Variants in MTUS2 observed in about 807,000 individuals in gnomAD.
MTUS2 encodes microtubule-associated tumor suppressor candidate 2.
MTUS2 carries 40 observed loss-of-function variants against 114.1 expected under a neutral mutation model. That is an observed-to-expected ratio of 0.35 (90% CI 0.27 to 0.46). The LOEUF (loss-of-function observed/expected upper bound fraction) is 0.46, where lower values mean the gene tolerates loss of function less well. MTUS2 is among the 20% of genes least tolerant of loss of function. MTUS2 has a pLI of 1.00. For missense variants in MTUS2, 1,679 were observed against 1,705.4 expected, an observed-to-expected ratio of 0.98 and a Z score of 0.27; for synonymous variants, 688 against 672.0, an observed-to-expected ratio of 1.02 and a Z score of -0.37.
chr13:29,066,470 TTTG>T (rs1166061791), intron 4 of MTUS2, among the ~76,000 whole-genome samples: 1 of 152,178 alleles, frequency 6.6e-6, no homozygotes, highest in Non-Finnish European at 1.5e-5. Context: ...AGGGGTGGGT[TTTG>T]TTGTCTCTGT....
chr13:29,381,684 G>A (rs1162081304), intron 8 of MTUS2, among the ~76,000 whole-genome samples: 2 of 152,132 alleles, frequency 1.3e-5, no homozygotes, highest in South Asian at 2.1e-4. Context: ...TCATCATGAC[G>A]TTCTGCTGCC....
chr13:29,316,030 C>T (rs967503420), intron 6 of MTUS2, among the ~76,000 whole-genome samples: 4 of 152,098 alleles, frequency 2.6e-5, no homozygotes, highest in African/African-American at 9.7e-5. Context: ...ATGAGTCATG[C>T]ATTGGGGATT....
At chr13:29,295,026 G>A (rs1309012903) in intron 6 of MTUS2, among the ~76,000 whole-genome samples, 1 of 152,094 alleles carries the variant, frequency 6.6e-6, no homozygotes, top group African/African-American at 2.4e-5. Flanking sequence ...ATGAGGCACA[G>A]GTTTCCCATA....
chr13:29,137,732 T>G (rs970495648), intron 5 of MTUS2, among the ~76,000 whole-genome samples: 2 of 151,764 alleles, frequency 1.3e-5, no homozygotes, highest in Non-Finnish European at 2.9e-5. Flanking sequence ...TTCTCCTGTC[T>G]CAGCCTCCCA....
chr13:29,344,078 G>A (rs1440638405), intron 7 of MTUS2, among the ~76,000 whole-genome samples: 1 of 152,062 alleles, frequency 6.6e-6, no homozygotes, highest in Admixed American at 6.5e-5. Context: ...CTATCATGTG[G>A]TCTATCTTGT....
At chr13:29,392,127 CAA>C (rs67050496) in intron 8 of MTUS2, among the ~76,000 whole-genome samples, 2 of 118,900 alleles carry the variant, frequency 1.7e-5, no homozygotes, top group African/African-American at 6.7e-5. Context: ...GACTCTGTCT[CAA>C]AAAAAAAAAA....
chr13:28,925,635 C>T (rs750949969), intron 2 of MTUS2, among the ~76,000 whole-genome samples: 7 of 152,112 alleles, frequency 4.6e-5, no homozygotes, highest in South Asian at 4.1e-4. Context: ...GAGTTCACTA[C>T]GTGTGTTTGT....
chr13:29,155,257 C>T (rs144309858), intron 5 of MTUS2, among the ~76,000 whole-genome samples: 1,584 of 152,246 alleles, frequency 0.01, 18 homozygotes, highest in Non-Finnish European at 0.016. Flanking sequence ...TTTGTAACAC[C>T]CCAATGGGGG....
intron 8 of MTUS2, among the ~76,000 whole-genome samples, chr13:29,398,244 T>A (rs1376175716): frequency 6.6e-6 from 1 of 152,162 alleles, no homozygotes; most frequent in Non-Finnish European, 1.5e-5. Context: ...GTGGACCACC[T>A]GAGGTCAGGA....
intron 2 of MTUS2, among the ~76,000 whole-genome samples, chr13:28,905,133 A>G (rs1879908613): frequency 6.6e-6 from 1 of 151,630 alleles, no homozygotes; most frequent in African/African-American, 2.4e-5. Context: ...GAAGTTGCCT[A>G]TCAGCTTAAG....
intron 9 of MTUS2, among the ~76,000 whole-genome samples, chr13:29,456,228 G>A (rs924739047): frequency 6.6e-5 from 10 of 152,138 alleles, no homozygotes; most frequent in African/African-American, 2.4e-4. Context: ...ATCATTCACC[G>A]ATGGGCTTTT....
At chr13:28,951,990 T>C (rs144377839) in intron 2 of MTUS2, among the ~76,000 whole-genome samples, 4 of 152,216 alleles carry the variant, frequency 2.6e-5, no homozygotes, top group African/African-American at 9.6e-5. Flanking sequence ...GTGTGCAGCA[T>C]GCCCGCATAA....
chr13:28,939,047 G>A (rs762544040), intron 2 of MTUS2, among the ~76,000 whole-genome samples: 8 of 152,162 alleles, frequency 5.3e-5, no homozygotes, highest in Non-Finnish European at 1.0e-4. Flanking sequence ...ATACTTCAGC[G>A]CTGTAACCAC....
At chr13:29,193,818 G>A (rs1232813300) in intron 5 of MTUS2, among the ~76,000 whole-genome samples, 1 of 152,080 alleles carries the variant, frequency 6.6e-6, no homozygotes, top group Non-Finnish European at 1.5e-5. Flanking sequence ...AAAGCTGGAG[G>A]CATCACACTA....
chr13:29,017,703 G>GA (rs11369162), intron 2 of MTUS2, among the ~76,000 whole-genome samples: 60,301 of 144,906 alleles, frequency 0.42, 12,086 homozygotes, highest in Admixed American at 0.47. Context: ...TTGAAAGATT[G>GA]AAAAAAAAAA....
intron 1 of MTUS2, among the ~76,000 whole-genome samples, chr13:28,824,207 CT>C (rs1483427943): frequency 6.7e-6 from 1 of 150,168 alleles, no homozygotes; most frequent in Non-Finnish European, 1.5e-5. Context: ...TAATAGGCCC[CT>C]GACTTTCATT....
intron 5 of MTUS2, among the ~76,000 whole-genome samples, chr13:29,112,309 A>G (rs989790752): frequency 7.9e-5 from 12 of 152,162 alleles, no homozygotes; most frequent in African/African-American, 2.7e-4. Flanking sequence ...AGTGTCAGAC[A>G]CGACCAGCAT....
At chr13:29,008,901 TG>T (rs1359427885) in intron 2 of MTUS2, among the ~76,000 whole-genome samples, 1 of 152,062 alleles carries the variant, frequency 6.6e-6, no homozygotes, top group Non-Finnish European at 1.5e-5. Context: ...TTTGTTTCCC[TG>T]GTAATTTTCT....
In MTUS2 at chr13:28,839,772, T is replaced by C. The variant is rs1472388898; in HGVS notation, c.-315-6T>C. Reference sequence around the variant, plus strand: ...CTAAATTTTCCTGTATCTTTTTCTTTTTAAGGTTTCCACAGCTGGATTGTT... The same window carrying C: ...CTAAATTTTCCTGTATCTTTTTCTTCTTAAGGTTTCCACAGCTGGATTGTT... On this transcript the variant is annotated splice_region_variant and splice_polypyrimidine_tract_variant and intron_variant, in intron 1 of 15. Coordinates refer to ENST00000612955, the MANE Select transcript of MTUS2 (RefSeq NM_001033602.4). The C allele has an allele frequency of 6.6e-6, 1 of 152,190 alleles. No individual in the cohort carries two copies. The highest frequency in any genetic ancestry group is 1.5e-5 in the Non-Finnish European group (1 of 68,030). The allele number at this position is 152,190 out of a possible 1,614,324, so 9.4% of individuals were successfully genotyped here. A position where few individuals can be genotyped will look rare whatever the true frequency, so the allele number is the denominator to read the frequency against.
Sources: allele counts gnomAD v4.1 joint callset (sites outside exome capture counted in the v4.1 genomes callset), GRCh38; gene constraint gnomAD v4.1.1; transcripts MANE v1.5; gene names NCBI Gene and HGNC (gene_info 2026-07-23, HGNC 2026-07-21).